Variants in ZDHHC21 observed in about 807,000 individuals in gnomAD.
ZDHHC21 encodes the protein palmitoyltransferase ZDHHC21.
In ZDHHC21, 15 loss-of-function variants were observed where a neutral mutation model predicts 34.6. That is an observed-to-expected ratio of 0.43 (90% confidence interval 0.29 to 0.67). The LOEUF is 0.67. Among genes scored for constraint, ZDHHC21 ranks in the 30% least tolerant of loss-of-function variants. ZDHHC21 has a pLI of 0.14. For synonymous variants in ZDHHC21, 142 were observed against 101.8 expected, an observed-to-expected ratio of 1.40 and a Z score of -2.38; for missense variants, 344 against 327.7, an observed-to-expected ratio of 1.05 and a Z score of -0.38.
At chr9:14,624,910 T>A (rs928440121) in intron 8 of ZDHHC21, among the ~76,000 whole-genome samples, 2 of 152,098 alleles carry the variant, frequency 1.3e-5, no homozygotes, top group African/African-American at 4.8e-5. Flanking sequence ...TTGTACCCCA[T>A]AACTATGTAC....
At chr9:14,631,962 G>A (rs1449327607) in intron 8 of ZDHHC21, among the ~76,000 whole-genome samples, 1 of 151,696 alleles carries the variant, frequency 6.6e-6, no homozygotes, top group Non-Finnish European at 1.5e-5. Context: ...CCAAACTGTG[G>A]CACAGAAACA....
intron 6 of ZDHHC21, among the ~76,000 whole-genome samples, chr9:14,660,008 G>T (rs1268207159): frequency 6.6e-6 from 1 of 152,184 alleles, no homozygotes; most frequent in Non-Finnish European, 1.5e-5. Context: ...AACCAGAACA[G>T]CTTTAAGAAG....
intron 2 of ZDHHC21, among the ~76,000 whole-genome samples, chr9:14,685,931 C>A (rs1488836292): frequency 2.0e-5 from 3 of 152,098 alleles, no homozygotes; most frequent in Non-Finnish European, 4.4e-5. Context: ...CTGAAACCAT[C>A]ATTCTCAGCA....
At chr9:14,652,790 A>G (rs919849980) in intron 7 of ZDHHC21, among the ~76,000 whole-genome samples, 2 of 152,018 alleles carry the variant, frequency 1.3e-5, no homozygotes, top group African/African-American at 2.4e-5. Context: ...GTCAAAGTGC[A>G]ACTCATTTTT....
chr9:14,673,082 A>C (rs978759172), intron 4 of ZDHHC21, among the ~76,000 whole-genome samples, 154 bp from the exon 5 acceptor site: 1 of 152,048 alleles, frequency 6.6e-6, no homozygotes, highest in Non-Finnish European at 1.5e-5. Context: ...TTCACTCACC[A>C]AATAACACTG....
At chr9:14,645,861 T>C (rs1292427510) in intron 7 of ZDHHC21, among the ~76,000 whole-genome samples, 1 of 152,128 alleles carries the variant, frequency 6.6e-6, no homozygotes, top group African/African-American at 2.4e-5. Flanking sequence ...TAAAACACAA[T>C]GAAGTACTGC....
intron 8 of ZDHHC21, among the ~76,000 whole-genome samples, chr9:14,620,531 T>C (rs1825123251): frequency 6.7e-6 from 1 of 148,166 alleles, no homozygotes; most frequent in Non-Finnish European, 1.5e-5. Flanking sequence ...TATCCCTTAC[T>C]TTACCTTAAC....
intron 5 of ZDHHC21, among the ~76,000 whole-genome samples, chr9:14,670,834 T>C (rs1835306673): frequency 6.6e-6 from 1 of 152,048 alleles, no homozygotes; most frequent in Non-Finnish European, 1.5e-5. Context: ...AGAAGGTGCT[T>C]TTGCCTTGTG....
chr9:14,602,916 G>A, the ZDHHC21 span, among the ~76,000 whole-genome samples: 6 of 100,154 alleles, frequency 6.0e-5, no homozygotes, highest in Admixed American at 4.4e-4. Flanking sequence ...AACAGAGAGA[G>A]AGACTTCATC....
At chr9:14,595,102 G>C in the ZDHHC21 span, among the ~76,000 whole-genome samples, 4 of 152,234 alleles carry the variant, frequency 2.6e-5, no homozygotes, top group African/African-American at 9.6e-5. Context: ...TTTAAAACTA[G>C]TTAATAGTTT....
intron 8 of ZDHHC21, among the ~76,000 whole-genome samples, chr9:14,620,711 A>G (rs891112268): frequency 6.6e-6 from 1 of 152,046 alleles, no homozygotes; most frequent in African/African-American, 2.4e-5. Flanking sequence ...AGCTCATAAT[A>G]TTAAATTCTC....
intron 8 of ZDHHC21, among the ~76,000 whole-genome samples, chr9:14,636,511 T>C (rs1368097546): frequency 1.3e-5 from 2 of 152,036 alleles, no homozygotes. Context: ...GTAAAATAGT[T>C]AACAAAGAAA....
chr9:14,618,371 AAAG>A lies in ZDHHC21; in HGVS notation c.*592_*594del, dbSNP rs1824654091. ...TTTCATGTTGGTTTTGGTGAAGAAA[AAAG>A]AAGAAAACGTAAGCAAGCCACTCCT... On this transcript the variant is annotated 3_prime_UTR_variant, in exon 10 of 10. Transcript: ENST00000380916. 6.6e-6 allele frequency: 1 copy of A among 152,536 alleles called. No individual in the cohort carries two copies. The highest frequency in any genetic ancestry group is 1.5e-5 in the Non-Finnish European group (1 of 68,006). The allele number at this position is 152,536 out of a possible 1,614,324, so 9.4% of individuals were successfully genotyped here. A position where few individuals can be genotyped will look rare whatever the true frequency, so the allele number is the denominator to read the frequency against.
chr9:14,650,025 T>C (rs1042045800), intron 7 of ZDHHC21, among the ~76,000 whole-genome samples: 3 of 152,064 alleles, frequency 2.0e-5, no homozygotes, highest in Admixed American at 2.0e-4. Context: ...AAATTTTCTA[T>C]GTTAAATGCT....
At chr9:14,588,848 A>C in the ZDHHC21 span, 2 of 152,172 alleles carry the variant, frequency 1.3e-5, no homozygotes, top group Non-Finnish European at 2.9e-5. Flanking sequence ...CCTGAGAAAA[A>C]GCATAAAGGA....
the ZDHHC21 span, among the ~76,000 whole-genome samples, chr9:14,598,856 G>A: frequency 6.6e-6 from 1 of 152,124 alleles, no homozygotes; most frequent in Admixed American, 6.5e-5. Flanking sequence ...TCCCAGCACA[G>A]GTGATTCTCC....
At chr9:14,652,714 C>T (rs1464961795) in intron 7 of ZDHHC21, among the ~76,000 whole-genome samples, 6 of 151,940 alleles carry the variant, frequency 3.9e-5, no homozygotes, top group African/African-American at 9.7e-5. Context: ...ACTGTCTTTA[C>T]CATGAGCATA....
chr9:14,688,213 C>T lies in ZDHHC21; in HGVS notation c.-176+2124G>A, dbSNP rs1298122059. Among the ~76,000 whole-genome samples the T allele has an allele frequency of 1.3e-5, 2 of 150,778 alleles. 1 individual carries two copies. The highest frequency in any genetic ancestry group is 5.0e-5 in the African/African-American group (2 of 40,124). On this transcript the variant is annotated intron_variant, in intron 2 of 9. Coordinates refer to ENST00000380916, the MANE Select transcript of ZDHHC21 (RefSeq NM_178566.6). ...GTTTCTTTTCAAGCTTCAGTTTGAC[C>T]ATCTGTAAAATGGAGATAAAAATGT... is the stretch of plus-strand genomic sequence containing the variant.
At chr9:14,604,397 A>G in the ZDHHC21 span, among the ~76,000 whole-genome samples, 1 of 152,200 alleles carries the variant, frequency 6.6e-6, no homozygotes, top group African/African-American at 2.4e-5. Flanking sequence ...TGTGATGCTG[A>G]TTAAAATTTA....
Sources: allele counts gnomAD v4.1 joint callset (sites outside exome capture counted in the v4.1 genomes callset), GRCh38; gene constraint gnomAD v4.1.1; transcripts MANE v1.5; gene names NCBI Gene and HGNC (gene_info 2026-07-23, HGNC 2026-07-21).